CCDC7: variants seen among roughly 807,000 people sequenced by gnomAD.
CCDC7 encodes coiled-coil domain containing 7.
A neutral mutation model predicts 196.9 loss-of-function variants in CCDC7; 183 were observed. The observed-to-expected ratio is 0.93, with a 90% CI of 0.82 to 1.05. The LOEUF is 1.05. CCDC7 is among the 50% of genes least tolerant of loss of function. The probability of loss-of-function intolerance (pLI) is 0.00; values close to 1 mark genes in which losing one functional copy is unlikely to be tolerated. For synonymous variants in CCDC7, 525 were observed against 484.6 expected, an observed-to-expected ratio of 1.08 and a Z score of -1.10; for missense variants, 1,540 against 1,482.2, an observed-to-expected ratio of 1.04 and a Z score of -0.64.
At chr10:32,508,244 TTG>T (rs1239140390) in intron 9 of CCDC7, among the ~76,000 whole-genome samples, 7 of 152,292 alleles carry the variant, frequency 4.6e-5, no homozygotes, top group South Asian at 2.1e-4. Context: ...CCCATATCAG[TTG>T]TGTTTCTACA....
At chr10:32,736,727 G>A (rs1427910300) in intron 28 of CCDC7, among the ~76,000 whole-genome samples, 1 of 152,144 alleles carries the variant, frequency 6.6e-6, no homozygotes, top group Admixed American at 6.5e-5. Context: ...TTCTTTGCTG[G>A]TATATAGGAA....
intron 18 of CCDC7, among the ~76,000 whole-genome samples, chr10:32,616,868 G>C (rs1454151256): frequency 6.6e-6 from 1 of 151,664 alleles, no homozygotes; most frequent in East Asian, 1.9e-4. Flanking sequence ...TATCATGAAG[G>C]GATGCTGAAT....
At position 32,597,307 on chromosome 10, in the gene CCDC7, C is replaced by G. The variant is rs140522479; in HGVS notation, c.1801+13003C>G. ...ACTGATAATGTTTCTTCAATTTGAT[C>G]AAATCGGCTACTGAAGTTTGTGCAT... On this transcript the variant is annotated intron_variant, in intron 18 of 41. Coordinates refer to ENST00000639629, the Ensembl canonical transcript of CCDC7. 8.5e-4 allele frequency among the ~76,000 whole-genome samples: 130 copies of G among 152,232 alleles called. 1 individual carries two copies. The highest frequency in any genetic ancestry group is 2.8e-3 in the African/African-American group (118 of 41,530).
At chr10:32,518,420 A>C (rs760783761) in exon 11 of CCDC7, 17 of 1,598,426 alleles carry the variant, frequency 1.1e-5, no homozygotes, top group Non-Finnish European at 1.4e-5. Flanking sequence ...TTTTAGGAAT[A>C]CAAACAGATG....
chr10:32,828,479 G>GAAGAAGAAGAAGAA (rs1565633928), intron 32 of CCDC7, among the ~76,000 whole-genome samples: 36 of 61,546 alleles, frequency 5.8e-4, no homozygotes, highest in Non-Finnish European at 8.5e-4. Flanking sequence ...AAGAGGAAGA[G>GAAGAAGAAGAAGAA]GAAGAGGAAG....
At chr10:32,741,112 A>G (rs1405777386) in intron 28 of CCDC7, among the ~76,000 whole-genome samples, 1 of 152,144 alleles carries the variant, frequency 6.6e-6, no homozygotes, top group Non-Finnish European at 1.5e-5. Context: ...TGAGAGAGAT[A>G]CTGCTTAATA....
intron 24 of CCDC7, among the ~76,000 whole-genome samples, chr10:32,701,200 G>T (rs907081659): frequency 6.6e-6 from 1 of 152,140 alleles, no homozygotes; most frequent in African/African-American, 2.4e-5. Flanking sequence ...ATTTGTCCTG[G>T]ATAGCTCTTA....
chr10:32,831,268 C>A (rs2092131615), intron 32 of CCDC7, among the ~76,000 whole-genome samples: 1 of 151,518 alleles, frequency 6.6e-6, no homozygotes, highest in Admixed American at 6.6e-5. Flanking sequence ...AGAGCACTTA[C>A]CATGAGTAGA....
At position 32,719,222 on chromosome 10, in the gene CCDC7, G is replaced by T. The variant is rs537273155; in HGVS notation, c.2569+7492G>T. ...ACAGAGGACTCAGAAATAATGTTAC[G>T]CATGTAGAACCAACTGATCTTTGAC... On this transcript the variant is annotated intron_variant, in intron 25 of 41. Coordinates refer to ENST00000639629, the Ensembl canonical transcript of CCDC7. 7.9e-5 allele frequency among the ~76,000 whole-genome samples: 12 copies of T among 152,024 alleles called. No individual in the cohort carries two copies. The South Asian group carries it at 2.1e-3, about 26-fold the overall frequency.
chr10:32,729,407 G>T, exon 28 of CCDC7: 3 of 1,485,870 alleles, frequency 2.0e-6, no homozygotes, highest in Non-Finnish European at 2.8e-6. Context: ...TTATTATCAA[G>T]AAGCGAATCT....
chr10:32,683,662 T>C (rs1379579012), intron 21 of CCDC7, among the ~76,000 whole-genome samples: 2 of 152,232 alleles, frequency 1.3e-5, no homozygotes, highest in African/African-American at 4.8e-5. Context: ...TTAGCAGTGC[T>C]TTGTAATTCT....
At chr10:32,465,108 A>G (rs2036479230) in intron 5 of CCDC7, among the ~76,000 whole-genome samples, 2 of 50,626 alleles carry the variant, frequency 4.0e-5, no homozygotes, top group African/African-American at 3.6e-5. Context: ...CAATGAAACT[A>G]GTTTTTTTTT....
At position 32,700,644 on chromosome 10, in the gene CCDC7, G is replaced by A. The variant is rs563218061; in HGVS notation, c.2458+5652G>A. ...GCATTGAATCTATAAATTACCTTGGGGAATATGGCCATTTTCACGATATTG... is the reference window on the plus strand; with the variant it reads ...GCATTGAATCTATAAATTACCTTGGAGAATATGGCCATTTTCACGATATTG... On this transcript the variant is annotated intron_variant, in intron 24 of 41. Coordinates refer to ENST00000639629, the Ensembl canonical transcript of CCDC7. Among the ~76,000 whole-genome samples the A allele has an allele frequency of 2.6e-5, 4 of 152,202 alleles. No homozygotes were observed. The East Asian group carries it at 7.7e-4, about 29-fold the overall frequency.
At position 32,457,518 on chromosome 10, in the gene CCDC7, C is replaced by G. The variant is rs571315827; in HGVS notation, c.456+1184C>G. Among the ~76,000 whole-genome samples, 47 of 152,250 alleles carry G rather than the reference C, an allele frequency of 3.1e-4. 1 individual carries two copies. The East Asian group carries it at 6.6e-3, about 21-fold the overall frequency. On this transcript the variant is annotated intron_variant, in intron 3 of 41. Coordinates refer to ENST00000639629, the Ensembl canonical transcript of CCDC7. ...GAAGTACAGATGTCTCTTCAGTGTA[C>G]TGATTTCCTTTCCTGTGGATATACA... is the stretch of plus-strand genomic sequence containing the variant.
At chr10:32,718,201 C>T (rs1478325048) in intron 25 of CCDC7, among the ~76,000 whole-genome samples, 2 of 152,160 alleles carry the variant, frequency 1.3e-5, no homozygotes, top group Non-Finnish European at 2.9e-5. Context: ...AGGTCAGCTT[C>T]ATCCCTGGGA....
chr10:32,861,575 A>T (rs113006513), intron 41 of CCDC7, among the ~76,000 whole-genome samples: 5,958 of 152,302 alleles, frequency 0.039, 174 homozygotes, highest in Non-Finnish European at 0.056. Flanking sequence ...GACAAATGAG[A>T]TCTAATTAAA....
At chr10:32,719,971 G>A (rs1448407754) in intron 25 of CCDC7, among the ~76,000 whole-genome samples, 2 of 152,224 alleles carry the variant, frequency 1.3e-5, no homozygotes, top group African/African-American at 4.8e-5. Context: ...CAATTCCTCA[G>A]GGATCTAGAA....
chr10:32,705,385 C>T (rs991358385), intron 24 of CCDC7, among the ~76,000 whole-genome samples: 4 of 152,062 alleles, frequency 2.6e-5, no homozygotes, highest in East Asian at 1.9e-4. Flanking sequence ...TAAAGACCAT[C>T]GATGCTAGGA....
chr10:32,841,388 C>T (rs1484599519), intron 33 of CCDC7, among the ~76,000 whole-genome samples: 1 of 151,880 alleles, frequency 6.6e-6, no homozygotes, highest in Non-Finnish European at 1.5e-5. Context: ...AAGAACTCAA[C>T]TCCTTTCACA....
Sources: allele counts gnomAD v4.1 joint callset (sites outside exome capture counted in the v4.1 genomes callset), GRCh38; gene constraint gnomAD v4.1.1; transcripts MANE v1.5; gene names NCBI Gene and HGNC (gene_info 2026-07-23, HGNC 2026-07-21).